OLAH: variants seen among roughly 807,000 people sequenced by gnomAD.
OLAH encodes the protein S-acyl fatty acid synthase thioesterase, medium chain.
OLAH carries 33 observed loss-of-function variants against 27.8 expected under a neutral mutation model. The ratio of observed to expected loss-of-function variants is 1.19; its 90% CI spans 0.90 to 1.59. The LOEUF is 1.59. OLAH is among the 40% of genes most tolerant of loss of function. The pLI is 0.00. For missense variants in OLAH, 359 were observed against 310.8 expected, an observed-to-expected ratio of 1.16 and a Z score of -1.17; for synonymous variants, 120 against 102.9, an observed-to-expected ratio of 1.17 and a Z score of -1.01.
At chr10:15,044,297 C>G (rs1327478891) in intron 1 of OLAH, among the ~76,000 whole-genome samples, 7 of 152,032 alleles carry the variant, frequency 4.6e-5, no homozygotes, top group Non-Finnish European at 1.0e-4. Context: ...TGTTTCTATT[C>G]TTCTAAGGGC....
chr10:15,055,145 T>A (rs948916910), intron 3 of OLAH, among the ~76,000 whole-genome samples: 11 of 152,160 alleles, frequency 7.2e-5, no homozygotes, highest in African/African-American at 2.4e-4. Context: ...TTATATTTTT[T>A]AGTAGAGATG....
chr10:15,048,545 AT>A (rs1844067167), intron 2 of OLAH, among the ~76,000 whole-genome samples: 1 of 152,232 alleles, frequency 6.6e-6, no homozygotes, highest in South Asian at 2.1e-4. Flanking sequence ...AGCACTGTTT[AT>A]CAAACATTCA....
intron 3 of OLAH, among the ~76,000 whole-genome samples, chr10:15,054,590 T>C (rs1266075225): frequency 6.8e-6 from 1 of 147,238 alleles, no homozygotes; most frequent in Non-Finnish European, 1.5e-5. Context: ...GCTGGAACCT[T>C]TTCTGCCTTC....
intron 4 of OLAH, chr10:15,062,106 T>A (rs941622275): frequency 5.3e-6 from 2 of 376,290 alleles, no homozygotes; most frequent in African/African-American, 4.1e-5. Flanking sequence ...CAGCTTACAT[T>A]CTATTTATTT....
At chr10:15,057,038 T>A in intron 3 of OLAH, 2 of 1,337,374 alleles carry the variant, frequency 1.5e-6, no homozygotes, top group Non-Finnish European at 1.9e-6. Flanking sequence ...CTTTTTAATG[T>A]GGTGTCTTCT....
chr10:15,041,911 TCCTGAGAGGC>T (rs1392777200), upstream of OLAH, among the ~76,000 whole-genome samples: 1 of 151,956 alleles, frequency 6.6e-6, no homozygotes, highest in Non-Finnish European at 1.5e-5. Flanking sequence ...TCTGGGCTCT[TCCTGAGAGGC>T]CCAGTTACGT....
At chr10:15,065,906 G>T (rs1021071173) in intron 6 of OLAH, among the ~76,000 whole-genome samples, 153 bp downstream of exon 6, 1 of 152,148 alleles carries the variant, frequency 6.6e-6, no homozygotes, top group Non-Finnish European at 1.5e-5. Context: ...ATGTATACTG[G>T]TTTAGAATGG....
intron 1 of OLAH, among the ~76,000 whole-genome samples, 188 bp downstream of exon 1, chr10:15,044,174 G>A (rs1843971533): frequency 6.6e-6 from 1 of 151,976 alleles, no homozygotes; most frequent in Admixed American, 6.6e-5. Flanking sequence ...CTGTCATCTT[G>A]TATTCAATTT....
chr10:15,051,192 C>T (rs942647592), intron 3 of OLAH, among the ~76,000 whole-genome samples: 1 of 151,764 alleles, frequency 6.6e-6, no homozygotes, highest in Admixed American at 6.6e-5. Context: ...TCTCCTGCCT[C>T]AGCCTCCCAA....
In OLAH at chr10:15,064,498, T is replaced by C; in HGVS notation, c.398T>C (p.Val133Ala). 1 of 1,563,256 alleles carries C rather than the reference T, an allele frequency of 6.4e-7. No homozygotes were observed. The part of the protein sequence containing the change: ...LHLFLSSATP[V>A]HSKAWHRIPK... Reference sequence around the variant, plus strand: ...TTATTTTTGTCAAGTGCAACTCCTGTACATGTAAGTAATTTAGCTTTTTCC... The same window carrying C: ...TTATTTTTGTCAAGTGCAACTCCTGCACATGTAAGTAATTTAGCTTTTTCC... The change falls in exon 5 of 8, where the codon GTA (valine) becomes GCA (alanine). Residue 133 changes from valine to alanine, a missense_variant. Coordinates refer to ENST00000378228, the MANE Select transcript of OLAH (RefSeq NM_001039702.3).
upstream of OLAH, among the ~76,000 whole-genome samples, chr10:15,043,009 C>T (rs559622499): frequency 1.4e-4 from 22 of 151,834 alleles, no homozygotes; most frequent in East Asian, 5.8e-4. Flanking sequence ...TACAGGCGCC[C>T]GCCACCACAC....
Position 15,073,424 on chromosome 10 carries a change from G to T in OLAH, c.*195G>T. ...AATACTTCTGGCAGCACTTTGGGAG[G>T]CCAAGGCGGGCGGATCACGAGGTCA... On this transcript the variant is annotated 3_prime_UTR_variant, in exon 8 of 8. Coordinates refer to ENST00000378228, the MANE Select transcript of OLAH (RefSeq NM_001039702.3). 4.3e-6 allele frequency: 2 copies of T among 469,906 alleles called. No individual in the cohort carries two copies. Among genetic ancestry groups the T allele is most frequent in the South Asian group, 2.6e-5 (1 of 38,900 alleles). The allele number at this position is 469,906 out of a possible 1,614,324, so 29.1% of individuals were successfully genotyped here.
At chr10:15,052,288 A>G (rs1297781388) in intron 3 of OLAH, among the ~76,000 whole-genome samples, 2 of 152,196 alleles carry the variant, frequency 1.3e-5, no homozygotes, top group Non-Finnish European at 2.9e-5. Flanking sequence ...GCCTAAAAAA[A>G]ATAAATAAAA....
intron 1 of OLAH, among the ~76,000 whole-genome samples, chr10:15,034,677 T>A (rs936445324): frequency 2.6e-5 from 4 of 152,150 alleles, no homozygotes; most frequent in Non-Finnish European, 4.4e-5. Context: ...ACTAATCAGT[T>A]ATGGTCTTGG....
intron 7 of OLAH, among the ~76,000 whole-genome samples, 182 bp downstream of exon 7, chr10:15,072,059 G>C (rs1019613880): frequency 2.0e-5 from 3 of 151,998 alleles, no homozygotes; most frequent in Non-Finnish European, 4.4e-5. Flanking sequence ...TCAGCCTCCT[G>C]AGTAGCTGGG....
intron 1 of OLAH, among the ~76,000 whole-genome samples, chr10:15,035,216 C>CCAGA (rs888400170): frequency 5.3e-5 from 8 of 152,140 alleles, no homozygotes; most frequent in African/African-American, 1.9e-4. Flanking sequence ...AAGCCACGGA[C>CCAGA]CAGAGAAAGC....
upstream of OLAH, among the ~76,000 whole-genome samples, chr10:15,043,016 A>T (rs548490651): frequency 6.6e-6 from 1 of 151,404 alleles, no homozygotes; most frequent in Non-Finnish European, 1.5e-5. Context: ...GCCCGCCACC[A>T]CACCCAGCTA....
rs572185279 is a variant in OLAH, at chr10:15,035,814, A to C, written c.-164+3464A>C. Among the ~76,000 whole-genome samples the C allele has an allele frequency of 2.0e-5, 3 of 152,292 alleles. No homozygotes were observed. The East Asian group carries it at 5.8e-4, about 29-fold the overall frequency. ...GCAAATGGTGTGCCATTTCCACCTT[A>C]GAAAAAGATCAAATCACAGAGCGTC... is the stretch of plus-strand genomic sequence containing the variant. On this transcript the variant is annotated intron_variant, in intron 1 of 3. Transcript: ENST00000413672.
chr10:15,053,603 G>A (rs966367489), intron 3 of OLAH, among the ~76,000 whole-genome samples: 4 of 152,136 alleles, frequency 2.6e-5, no homozygotes, highest in African/African-American at 9.7e-5. Context: ...GCATGCCAAT[G>A]TATAAAACCC....
Sources: gnomAD v4.1 joint callset for allele counts (sites outside exome capture counted in the v4.1 genomes callset) on GRCh38, gnomAD v4.1.1 for gene constraint, MANE v1.5 for transcripts, NCBI Gene and HGNC (gene_info 2026-07-23, HGNC 2026-07-21) for gene names.